Variants in GRM8 observed in about 807,000 individuals in gnomAD.
The protein encoded by GRM8 is glutamate metabotropic receptor 8, also known as metabotropic glutamate receptor 8.
GRM8 carries 47 observed loss-of-function variants against 87.2 expected under a neutral mutation model. The ratio of observed to expected loss-of-function variants is 0.54; its 90% CI spans 0.43 to 0.69. The LOEUF (loss-of-function observed/expected upper bound fraction) is 0.69, where lower values mean the gene tolerates loss of function less well. GRM8 is among the 30% of genes least tolerant of loss of function. GRM8 has a pLI of 0.00. For synonymous variants in GRM8, 396 were observed against 404.5 expected (o/e 0.98, Z 0.25); for missense variants, 1,019 against 1,139.2 (o/e 0.89, Z 1.52).
At chr7:126,951,092 CTT>C (rs1387366324) in intron 3 of GRM8, among the ~76,000 whole-genome samples, 3 of 152,018 alleles carry the variant, frequency 2.0e-5, no homozygotes, top group African/African-American at 7.3e-5. Context: ...ATGAAGATCT[CTT>C]TGAATTGTTA....
intron 3 of GRM8, among the ~76,000 whole-genome samples, chr7:127,044,055 G>A (rs774382322): frequency 1.6e-4 from 25 of 152,326 alleles, no homozygotes; most frequent in Non-Finnish European, 3.1e-4. Context: ...AGAAGGGAGA[G>A]GTGAACAGAG....
chr7:127,159,236 A>G (rs1203856803), intron 2 of GRM8, among the ~76,000 whole-genome samples: 1 of 152,228 alleles, frequency 6.6e-6, no homozygotes, highest in East Asian at 1.9e-4. Flanking sequence ...TTCTTGTCTA[A>G]AATTACTCAT....
chr7:126,595,310 C>G (rs1473545455), intron 8 of GRM8, among the ~76,000 whole-genome samples: 1 of 151,934 alleles, frequency 6.6e-6, no homozygotes, highest in African/African-American at 2.4e-5. Flanking sequence ...CAGTTCACGG[C>G]AACCTCCCCT....
chr7:126,643,308 AAAAAAAAAAAAATATATATATATATAT>A (rs1214767020), intron 7 of GRM8, among the ~76,000 whole-genome samples: 4 of 30,478 alleles, frequency 1.3e-4, no homozygotes, highest in African/African-American at 4.2e-4. Context: ...AAAAAAAAAA[AAAAAAAAAAAAATATATATATATATAT>A]ATATATATAT....
At chr7:126,833,229 C>T (rs556673645) in intron 6 of GRM8, among the ~76,000 whole-genome samples, 26 of 152,192 alleles carry the variant, frequency 1.7e-4, no homozygotes, top group Non-Finnish European at 1.6e-4. Context: ...AAGGAAGAGG[C>T]GGTACAAAGA....
chr7:126,943,147 C>A (rs1345684347), intron 3 of GRM8, among the ~76,000 whole-genome samples: 1 of 152,106 alleles, frequency 6.6e-6, no homozygotes, highest in East Asian at 1.9e-4. Context: ...GAATCCTGGA[C>A]CCCATGAAAC....
intron 9 of GRM8, among the ~76,000 whole-genome samples, chr7:126,477,923 C>G (rs530042904): frequency 6.6e-6 from 1 of 152,106 alleles, no homozygotes; most frequent in Non-Finnish European, 1.5e-5. Context: ...CCATGCAGTT[C>G]TCTTTCCCTC....
At chr7:126,758,779 T>C (rs1260404507) in intron 7 of GRM8, among the ~76,000 whole-genome samples, 1 of 152,224 alleles carries the variant, frequency 6.6e-6, no homozygotes, top group Non-Finnish European at 1.5e-5. Flanking sequence ...AGTTATTTTA[T>C]AATCATTTTA....
At chr7:126,890,714 T>C (rs534566176) in intron 6 of GRM8, among the ~76,000 whole-genome samples, 59 of 152,146 alleles carry the variant, frequency 3.9e-4, no homozygotes, top group African/African-American at 1.3e-3. Context: ...CAGTTGTGGC[T>C]GAAGAGACAC....
At chr7:127,084,688 C>A (rs1001069586) in intron 3 of GRM8, 1 of 152,198 alleles carries the variant, frequency 6.6e-6, no homozygotes, top group African/African-American at 2.4e-5. Flanking sequence ...AAGCCTCACT[C>A]ACCTTGGCCA....
At chr7:127,073,543 A>T (rs987925405) in intron 3 of GRM8, among the ~76,000 whole-genome samples, 2 of 152,116 alleles carry the variant, frequency 1.3e-5, no homozygotes, top group African/African-American at 4.8e-5. Context: ...TTACCCCCCA[A>T]TGGTGTGGGG....
chr7:127,142,308 A>C (rs1828315643), intron 2 of GRM8, among the ~76,000 whole-genome samples: 1 of 152,086 alleles, frequency 6.6e-6, no homozygotes, highest in African/African-American at 2.4e-5. Context: ...ACTAGCATGC[A>C]GTTGGTTATG....
At chr7:126,868,601 G>A (rs143144934) in intron 6 of GRM8, among the ~76,000 whole-genome samples, 114 of 152,270 alleles carry the variant, frequency 7.5e-4, no homozygotes, top group African/African-American at 9.1e-4. Flanking sequence ...GATAGTGCAC[G>A]TTTTGTTCTA....
At chr7:126,859,925 T>G (rs958677302) in intron 6 of GRM8, among the ~76,000 whole-genome samples, 1 of 152,188 alleles carries the variant, frequency 6.6e-6, no homozygotes, top group Non-Finnish European at 1.5e-5. Flanking sequence ...AATACTAACA[T>G]GTGTTAGACA....
At chr7:127,242,636 G>A (rs939274742) in intron 2 of GRM8, 59 bp downstream of exon 2, 4 of 1,471,866 alleles carry the variant, frequency 2.7e-6, no homozygotes, top group Non-Finnish European at 3.7e-6. Context: ...ACCTGCAGTA[G>A]GAGTCATAGC....
At chr7:126,721,366 T>C (rs188001717) in intron 7 of GRM8, among the ~76,000 whole-genome samples, 1 of 152,286 alleles carries the variant, frequency 6.6e-6, no homozygotes, top group Admixed American at 6.5e-5. Context: ...AGAATGAATA[T>C]AATGAGGTTA....
intron 9 of GRM8, among the ~76,000 whole-genome samples, chr7:126,502,502 T>A (rs1477948706): frequency 3.3e-5 from 5 of 152,114 alleles, no homozygotes; most frequent in African/African-American, 1.2e-4. Context: ...GAGAAAAATA[T>A]GAATATTTGC....
At chr7:127,059,556 C>T (rs1266220525) in intron 3 of GRM8, among the ~76,000 whole-genome samples, 1 of 152,076 alleles carries the variant, frequency 6.6e-6, no homozygotes, top group Non-Finnish European at 1.5e-5. Flanking sequence ...AGGCTGGTCT[C>T]TAACTCCTGA....
intron 8 of GRM8, among the ~76,000 whole-genome samples, chr7:126,536,172 A>G (rs781773030): frequency 1.3e-5 from 2 of 152,242 alleles, no homozygotes; most frequent in Non-Finnish European, 2.9e-5. Context: ...AGGGACAGCG[A>G]CTGTATACTT....
Sources: gnomAD v4.1 joint callset for allele counts (sites outside exome capture counted in the v4.1 genomes callset) on GRCh38, gnomAD v4.1.1 for gene constraint, MANE v1.5 for transcripts, NCBI Gene and HGNC (gene_info 2026-07-23, HGNC 2026-07-21) for gene names.